Variants in SEC14L1 observed in about 807,000 individuals in gnomAD.
SEC14L1 encodes the protein SEC14-like protein 1.
Under a neutral mutation model 85.3 loss-of-function variants are expected in SEC14L1, and 48 were observed. The ratio of observed to expected loss-of-function variants is 0.56; its 90% CI spans 0.45 to 0.72. The LOEUF (loss-of-function observed/expected upper bound fraction) is 0.72, where lower values mean the gene tolerates loss of function less well. Ranked by LOEUF, SEC14L1 falls within the 30% of genes least tolerant of loss-of-function variation. SEC14L1 has a pLI of 0.00. For missense variants in SEC14L1, 682 were observed against 921.4 expected (o/e 0.74, Z 3.36); for synonymous variants, 391 against 355.5 (o/e 1.10, Z -1.12).
Position 77,211,956 on chromosome 17 carries a change from A to G in SEC14L1, c.1618A>G (p.Ile540Val). 1.9e-6 allele frequency: 3 copies of G among 1,613,872 alleles called. No homozygotes were observed. The highest frequency in any genetic ancestry group is 2.5e-6 in the Non-Finnish European group (3 of 1,179,910). ...AACGCTGCCTCTTTTTCAGATTCTC[A>G]TTCAGATTGTGGATGCCTCGTCAGT... is the stretch of plus-strand genomic sequence containing the variant. ...VFKGAPHEIL[I>V]QIVDASSVIT... The change falls in exon 15 of 17, where the codon ATT (isoleucine) becomes GTT (valine). Residue 540 changes from isoleucine to valine, a missense_variant. Physicochemically the swap from Ile to Val is conservative, Grantham distance 29 (BLOSUM62 3). Around this residue, in one of 3 missense-constraint regions of SEC14L1, gnomAD observed 420 missense variants for 619.5 expected, o/e 0.68. Coordinates refer to ENST00000436233, the MANE Select transcript of SEC14L1 (RefSeq NM_001143998.2).
At position 77,213,677 on chromosome 17, in the gene SEC14L1, G is replaced by A. The variant is rs965946587; in HGVS notation, c.2042+185G>A. ...GACTCCCTGCCTGTCTGCAGAGGGA[G>A]AGTGTCGGAGACAGAGCCGACTGAC... On this transcript the variant is annotated intron_variant, in intron 16 of 16. Coordinates refer to ENST00000436233, the MANE Select transcript of SEC14L1 (RefSeq NM_001143998.2). This position sits in a 1 kb window ranked among gnomAD's most constrained non-coding sequence, Gnocchi z 7.1. The A allele has an allele frequency of 4.7e-6, 4 of 858,422 alleles. No homozygotes were observed. Among genetic ancestry groups the A allele is most frequent in the African/African-American group, 3.3e-5 (2 of 60,056 alleles). The allele number at this position is 858,422 out of a possible 1,614,324, so 53.2% of individuals were successfully genotyped here.
chr17:77,123,563 C>T (rs1972359918), intron 3 of SEC14L1, among the ~76,000 whole-genome samples: 1 of 151,948 alleles, frequency 6.6e-6, no homozygotes. Context: ...AGGCACACAT[C>T]ACCAAATCTG....
intron 3 of SEC14L1, among the ~76,000 whole-genome samples, chr17:77,107,345 A>G (rs1299525169): frequency 6.6e-6 from 1 of 152,172 alleles, no homozygotes; most frequent in Non-Finnish European, 1.5e-5. Context: ...AGGCTCAGGG[A>G]CGATCACTTG....
At chr17:77,157,806 A>G (rs1045684228) in intron 3 of SEC14L1, among the ~76,000 whole-genome samples, 8 of 152,116 alleles carry the variant, frequency 5.3e-5, no homozygotes, top group Admixed American at 3.9e-4. Context: ...GATTACAGGC[A>G]TGAGCCACCA....
chr17:77,127,696 C>G (rs1159327289), intron 3 of SEC14L1, among the ~76,000 whole-genome samples: 2 of 152,048 alleles, frequency 1.3e-5, no homozygotes, highest in Non-Finnish European at 2.9e-5. Context: ...ATGTGGGTCC[C>G]CAAAAGATGT....
chr17:77,177,395 A>C lies in SEC14L1; in HGVS notation c.64-13408A>C, dbSNP rs112213115. ...AGATACAATTGATCAGGCATACTAG[A>C]TTATACTTTGAATTTCATTTGAAAG... On this transcript the variant is annotated intron_variant, in intron 3 of 16. Coordinates refer to ENST00000436233, the MANE Select transcript of SEC14L1 (RefSeq NM_001143998.2). 3.5e-3 allele frequency among the ~76,000 whole-genome samples: 529 copies of C among 150,184 alleles called. 1 individual carries two copies. The highest frequency in any genetic ancestry group is 0.012 in the African/African-American group (492 of 40,694).
intron 13 of SEC14L1, 117 bp from the exon 14 acceptor site, chr17:77,209,225 A>G: frequency 3.1e-6 from 4 of 1,294,578 alleles, no homozygotes; most frequent in Non-Finnish European, 4.2e-6. Context: ...AGTGTTTTCC[A>G]TTTTCTCAGC....
intron 3 of SEC14L1, among the ~76,000 whole-genome samples, chr17:77,101,315 G>A (rs1396957595): frequency 3.9e-5 from 6 of 151,976 alleles, no homozygotes; most frequent in Non-Finnish European, 8.8e-5. Context: ...TGAGAAGCTG[G>A]GATTACAGGC....
At chr17:77,141,940 AAAAG>A (rs1401564590) in intron 1 of SEC14L1, among the ~76,000 whole-genome samples, 2 of 152,218 alleles carry the variant, frequency 1.3e-5, no homozygotes, top group Non-Finnish European at 1.5e-5. Context: ...TTGCAAAAGA[AAAAG>A]AACGTGGTCC....
At chr17:77,193,354 T>C (rs1432521857) in intron 5 of SEC14L1, 67 bp from the exon 6 acceptor site, 3 of 1,471,332 alleles carry the variant, frequency 2.0e-6, no homozygotes, top group Admixed American at 2.1e-5. Flanking sequence ...CTGGTTAAAC[T>C]GAGGAGCAGG....
intron 3 of SEC14L1, among the ~76,000 whole-genome samples, chr17:77,134,100 G>C (rs1310099069): frequency 1.3e-5 from 2 of 151,992 alleles, no homozygotes; most frequent in Non-Finnish European, 2.9e-5. Flanking sequence ...GCAGCGCTGC[G>C]GTCCCACCAA....
At chr17:77,174,507 T>A (rs1031674479) in intron 3 of SEC14L1, among the ~76,000 whole-genome samples, 1 of 152,206 alleles carries the variant, frequency 6.6e-6, no homozygotes, top group Non-Finnish European at 1.5e-5. Flanking sequence ...GCACTGCCAT[T>A]GTGTTTTTTC....
intron 3 of SEC14L1, among the ~76,000 whole-genome samples, chr17:77,164,308 A>G (rs2143650240): frequency 6.6e-6 from 1 of 152,294 alleles, no homozygotes; most frequent in Non-Finnish European, 1.5e-5. Flanking sequence ...TCTTTGCTTT[A>G]AAAGACCTCT....
At chr17:77,121,770 C>G (rs500416) in intron 3 of SEC14L1, among the ~76,000 whole-genome samples, 2 of 152,144 alleles carry the variant, frequency 1.3e-5, no homozygotes, top group Non-Finnish European at 1.5e-5. Context: ...CAGCCTTTAA[C>G]GGTGAATCAG....
chr17:77,204,909 G>C (rs1489000747), intron 10 of SEC14L1, among the ~76,000 whole-genome samples: 1 of 152,130 alleles, frequency 6.6e-6, no homozygotes, highest in Admixed American at 6.5e-5. Context: ...TTTTCTCTTG[G>C]CGGGCACATG....
At chr17:77,123,077 G>A (rs1472411127) in intron 3 of SEC14L1, among the ~76,000 whole-genome samples, 1 of 150,694 alleles carries the variant, frequency 6.6e-6, no homozygotes, top group Non-Finnish European at 1.5e-5. Context: ...TTGAGATGGA[G>A]TCTCACTCTA....
chr17:77,174,944 A>G (rs1018013300), intron 3 of SEC14L1, among the ~76,000 whole-genome samples: 1 of 152,340 alleles, frequency 6.6e-6, no homozygotes, highest in South Asian at 2.1e-4. Flanking sequence ...GGACTGTACA[A>G]TCTAAACTGA....
rs575025415 is a variant in SEC14L1 at position 77,191,232 on chromosome 17, C to T, written c.265C>T (p.Arg89Trp). ...YFVQKNSLNS[R>W]ERTLHIEAYN... ...TGTCCAGAAAAACTCACTGAATTCT[C>T]GGGAACGTACTTTGCACATTGAGGC... Residue 89 changes from arginine (R) to tryptophan (W), a missense_variant, in exon 5 of 17, where the codon CGG (arginine) becomes TGG (tryptophan). Physicochemically the swap from Arg to Trp is moderately radical, Grantham distance 101 (BLOSUM62 -3). Transcript: ENST00000436233. 5.0e-6 allele frequency: 8 copies of T among 1,613,298 alleles called. No individual in the cohort carries two copies. Among genetic ancestry groups the T allele is most frequent in the South Asian group, 3.3e-5 (3 of 91,050 alleles).
At chr17:77,187,717 A>G (rs180990694) in intron 3 of SEC14L1, among the ~76,000 whole-genome samples, 290 of 149,688 alleles carry the variant, frequency 1.9e-3, no homozygotes, top group Middle Eastern at 3.5e-3. Flanking sequence ...TCCAGTTCAC[A>G]TGCACCATGG....
Sources: gnomAD v4.1 joint callset for allele counts (sites outside exome capture counted in the v4.1 genomes callset) on GRCh38, gnomAD v4.1.1 for gene constraint, gnomAD v4.1.1 regional missense constraint, Gnocchi (gnomAD v3.1) non-coding constraint, MANE v1.5 for transcripts, NCBI Gene and HGNC (gene_info 2026-07-23, HGNC 2026-07-21) for gene names.